Variants in ZFAT observed in about 807,000 individuals in gnomAD.
The protein encoded by ZFAT is zinc finger protein ZFAT.
ZFAT carries 64 observed loss-of-function variants against 117.7 expected under a neutral mutation model. The ratio of observed to expected loss-of-function variants is 0.54; its 90% CI spans 0.44 to 0.67. The LOEUF (loss-of-function observed/expected upper bound fraction) is 0.67. Ranked by LOEUF, ZFAT falls within the 30% of genes least tolerant of loss-of-function variation. ZFAT has a pLI of 0.00. For missense variants in ZFAT, 1,433 were observed against 1,584.5 expected, an observed-to-expected ratio of 0.90 and a Z score of 1.62; for synonymous variants, 679 against 615.0, an observed-to-expected ratio of 1.10 and a Z score of -1.54.
chr8:134,825,178 C>A, the ZFAT span, among the ~76,000 whole-genome samples: 1,239 of 152,264 alleles, frequency 8.1e-3, 18 homozygotes, highest in African/African-American at 0.028. Context: ...GGTACATATG[C>A]CTCTCTTACA....
chr8:134,810,241 C>G, the ZFAT span, among the ~76,000 whole-genome samples: 1 of 152,096 alleles, frequency 6.6e-6, no homozygotes, highest in African/African-American at 2.4e-5. Context: ...AAAGTCCACA[C>G]CTGGAGGAAA....
At chr8:134,677,996 G>C (rs1247385081) in intron 1 of ZFAT, among the ~76,000 whole-genome samples, 1 of 152,160 alleles carries the variant, frequency 6.6e-6, no homozygotes, top group African/African-American at 2.4e-5. Flanking sequence ...ATATCGTATT[G>C]AATGGGCAAA....
chr8:134,733,964 T>C, the ZFAT span, among the ~76,000 whole-genome samples: 2 of 152,202 alleles, frequency 1.3e-5, no homozygotes. Flanking sequence ...CTAACAAACA[T>C]GAGGTCTGTG....
intron 2 of ZFAT, among the ~76,000 whole-genome samples, chr8:134,650,124 T>C (rs1234316473): frequency 6.6e-6 from 1 of 151,598 alleles, no homozygotes; most frequent in Non-Finnish European, 1.5e-5. Context: ...TTTTATTTTT[T>C]TTCTTTTTTT....
chr8:134,700,224 T>A (rs1833973074), intron 1 of ZFAT, among the ~76,000 whole-genome samples: 1 of 152,124 alleles, frequency 6.6e-6, no homozygotes, highest in South Asian at 2.1e-4. Flanking sequence ...CTCAAAGAAG[T>A]CACAAGAACT....
chr8:134,739,300 T>A, the ZFAT span, among the ~76,000 whole-genome samples: 1 of 151,480 alleles, frequency 6.6e-6, no homozygotes, highest in African/African-American at 2.4e-5. Flanking sequence ...TGTGTGTGTG[T>A]GTGTGTGTGT....
At chr8:134,712,706 C>T (rs897211685) in intron 1 of ZFAT, 139 bp downstream of exon 1, 3 of 710,632 alleles carry the variant, frequency 4.2e-6, no homozygotes, top group African/African-American at 4.0e-5. Flanking sequence ...CCTCCCCAGA[C>T]CCGGATCCCT....
chr8:134,676,687 T>C (rs1488713532), intron 1 of ZFAT, among the ~76,000 whole-genome samples: 1 of 152,152 alleles, frequency 6.6e-6, no homozygotes, highest in African/African-American at 2.4e-5. Flanking sequence ...ATTGACCACA[T>C]AATTGGAAGT....
intron 5 of ZFAT, among the ~76,000 whole-genome samples, chr8:134,607,893 T>C (rs1266468667): frequency 6.6e-6 from 1 of 152,232 alleles, no homozygotes; most frequent in Non-Finnish European, 1.5e-5. Flanking sequence ...ATCCAGTGTA[T>C]CTGGAGGACA....
chr8:134,699,074 T>G (rs913463377), intron 1 of ZFAT, among the ~76,000 whole-genome samples: 7 of 152,076 alleles, frequency 4.6e-5, no homozygotes, highest in African/African-American at 1.7e-4. Context: ...TGCAACTGTA[T>G]CTCTATATTC....
At chr8:134,503,092 C>T (rs946415048) in intron 15 of ZFAT, among the ~76,000 whole-genome samples, 4 of 152,220 alleles carry the variant, frequency 2.6e-5, no homozygotes, top group African/African-American at 9.6e-5. Flanking sequence ...TAGAGTGCTG[C>T]TAACACTAGT....
In ZFAT at chr8:134,601,967, G is replaced by A. The variant is rs1274359704; in HGVS notation, c.1752C>T (p.Ser584=). ...CCACCTCTTGAGAATGCAGGTCTGA[G>A]GAGGAGACCACGGTGGTTTCCAGCT... ...PCELETTVVS[S]SDLHSQEVVS... is the part of the protein sequence containing the mutation. The change falls in exon 6 of 16, where the codon TCC becomes TCT. Residue 584 remains serine, a synonymous_variant. Transcript: ENST00000377838. 1.2e-6 allele frequency: 2 copies of A among 1,613,962 alleles called. No individual in the cohort carries two copies. The highest frequency in any genetic ancestry group is 1.7e-6 in the Non-Finnish European group (2 of 1,180,030).
At chr8:134,527,712 C>T (rs1232404472) in intron 12 of ZFAT, among the ~76,000 whole-genome samples, 1 of 152,174 alleles carries the variant, frequency 6.6e-6, no homozygotes, top group Non-Finnish European at 1.5e-5. Context: ...AGCCCCTCTT[C>T]CCACAGGATC....
intron 1 of ZFAT, among the ~76,000 whole-genome samples, chr8:134,704,645 G>A (rs951852185): frequency 3.9e-5 from 6 of 152,140 alleles, no homozygotes; most frequent in Non-Finnish European, 8.8e-5. Context: ...AGGCAGTGTG[G>A]TACTGATAAA....
intron 11 of ZFAT, among the ~76,000 whole-genome samples, chr8:134,534,474 G>A (rs1821669429): frequency 6.6e-6 from 1 of 152,138 alleles, no homozygotes; most frequent in South Asian, 2.1e-4. Flanking sequence ...TTGAAGCTTA[G>A]ATCAGCTCCT....
chr8:134,701,039 A>C lies in ZFAT; in HGVS notation c.19+11806T>G, dbSNP rs112418574. On this transcript the variant is annotated intron_variant, in intron 1 of 15. Transcript: ENST00000377838. ...ATGGTAAATACACATAAAATGTACC[A>C]TCTTAACTATTTGTAGGTATACAGT... is the stretch of plus-strand genomic sequence containing the variant. 1.5e-3 allele frequency among the ~76,000 whole-genome samples: 230 copies of C among 152,242 alleles called. 1 individual carries two copies. The highest frequency in any genetic ancestry group is 5.3e-3 in the African/African-American group (222 of 41,544).
intron 13 of ZFAT, among the ~76,000 whole-genome samples, chr8:134,518,170 A>G (rs1214864412): frequency 6.6e-6 from 1 of 152,028 alleles, no homozygotes; most frequent in Non-Finnish European, 1.5e-5. Flanking sequence ...TTCCTTCTAC[A>G]TTTATTAATC....
At chr8:134,736,825 A>G in the ZFAT span, among the ~76,000 whole-genome samples, 10 of 152,044 alleles carry the variant, frequency 6.6e-5, no homozygotes, top group Middle Eastern at 3.2e-3. Flanking sequence ...GGCTCAACCA[A>G]TTCTCCCACG....
chr8:134,752,933 G>T, the ZFAT span, among the ~76,000 whole-genome samples: 2 of 152,144 alleles, frequency 1.3e-5, no homozygotes, highest in African/African-American at 4.8e-5. Flanking sequence ...TGAATTTGGG[G>T]GTGGGGGAAG....
Sources: gnomAD v4.1 joint callset for allele counts (sites outside exome capture counted in the v4.1 genomes callset) on GRCh38, gnomAD v4.1.1 for gene constraint, MANE v1.5 for transcripts, NCBI Gene and HGNC (gene_info 2026-07-23, HGNC 2026-07-21) for gene names.